The following ALLC variants were observed in gnomAD, a reference collection of about 807,000 sequenced individuals.
The protein encoded by ALLC is allantoicase, also known as probable inactive allantoicase.
Under a neutral mutation model 45.0 loss-of-function variants are expected in ALLC, and 40 were observed. The ratio of observed to expected loss-of-function variants is 0.89; its 90% CI spans 0.69 to 1.16. ALLC has a LOEUF of 1.16. Among genes scored for constraint, ALLC ranks in the 50% most tolerant of loss-of-function variants. The pLI, the probability that ALLC is intolerant of heterozygous loss-of-function variation, is 0.00. For missense variants in ALLC, 488 were observed against 493.1 expected (o/e 0.99, Z 0.10); for synonymous variants, 176 against 178.1 (o/e 0.99, Z 0.09).
chr2:3,656,264 CAGGACCAAGGCAGGAGGGTTGA>C (rs550673845), upstream of ALLC, among the ~76,000 whole-genome samples: 175 of 152,364 alleles, frequency 1.1e-3, no homozygotes, highest in African/African-American at 4.0e-3. Flanking sequence ...CATGTCTTGG[CAGGACCAAGGCAGGAGGGTTGA>C]AGCCCCTACG....
intron 3 of ALLC, among the ~76,000 whole-genome samples, chr2:3,677,081 C>T (rs943164912): frequency 2.0e-5 from 3 of 152,210 alleles, no homozygotes; most frequent in African/African-American, 7.2e-5. Context: ...AGCCACCGCA[C>T]CTGACTAGTT....
intron 11 of ALLC, among the ~76,000 whole-genome samples, chr2:3,702,029 T>TAAAGCTCCC (rs1199896739): frequency 6.6e-6 from 1 of 152,156 alleles, no homozygotes; most frequent in Non-Finnish European, 1.5e-5. Context: ...GCTGCTCCCA[T>TAAAGCTCCC]GTAAAGATAG....
chr2:3,679,707 A>C (rs10203738), intron 4 of ALLC, among the ~76,000 whole-genome samples, 162 bp from the exon 5 acceptor site: 7,933 of 152,116 alleles, frequency 0.052, 258 homozygotes, highest in East Asian at 0.11. Context: ...GTTATGAGAG[A>C]TCCTACAGTC....
At chr2:3,674,185 T>C (rs1666964485) in intron 3 of ALLC, 60 bp downstream of exon 3, 1 of 1,264,990 alleles carries the variant, frequency 7.9e-7, no homozygotes, top group Admixed American at 2.1e-5. Context: ...TATGCCGCCT[T>C]GTTATTAAAA....
the ALLC span, among the ~76,000 whole-genome samples, chr2:3,647,309 T>TCA: frequency 1.3e-5 from 2 of 151,310 alleles, no homozygotes; most frequent in Non-Finnish European, 2.9e-5. Flanking sequence ...ATGCACACAC[T>TCA]CACACACACA....
intron 9 of ALLC, 51 bp from the exon 10 acceptor site, chr2:3,697,297 T>G: frequency 6.8e-7 from 1 of 1,461,236 alleles, no homozygotes; most frequent in Non-Finnish European, 9.6e-7. Context: ...GGGACTGGTT[T>G]CTTGAATGAC....
At chr2:3,657,204 G>A (rs34629504), upstream of ALLC, among the ~76,000 whole-genome samples, 3 of 150,858 alleles carry the variant, frequency 2.0e-5, no homozygotes, top group South Asian at 2.1e-4. Context: ...TCCTAACTAC[G>A]GCTGGGTGGC....
At position 3,700,790 on chromosome 2, in the gene ALLC, G is replaced by A. The variant is rs145996842; in HGVS notation, c.851-722G>A. On this transcript the variant is annotated intron_variant, in intron 10 of 11. Coordinates refer to ENST00000252505, the MANE Select transcript of ALLC (RefSeq NM_018436.4). ...ATGTTCGCCCACCCTGGAGACTACC[G>A]TTTTAAGAGATGGGCCACAAAGGGG... Among the ~76,000 whole-genome samples, 748 of 152,238 alleles carry A rather than the reference G, an allele frequency of 4.9e-3. 6 individuals carry two copies. The highest frequency in any genetic ancestry group is 0.017 in the African/African-American group (720 of 41,532).
In ALLC at chr2:3,701,606, C is replaced by G. The variant is rs747967312; in HGVS notation, c.945C>G (p.His315Gln). ...VIRQKWILPA[H>Q]KWKPLLPVTK... ...GGCAAAAGTGGATTCTCCCGGCCCA[C>G]AAGTGGAAACCACTGCTTCCAGTGA... Residue 315 changes from histidine (H) to glutamine (Q), a missense_variant, in exon 11 of 12, where the codon CAC becomes CAG. By Grantham distance (24) the His-to-Gln change is conservative (BLOSUM62 0). Coordinates refer to ENST00000252505, the MANE Select transcript of ALLC (RefSeq NM_018436.4). The G allele has an allele frequency of 6.2e-7, 1 of 1,611,550 alleles. No homozygotes were observed. Among genetic ancestry groups the G allele is most frequent in the East Asian group, 2.2e-5 (1 of 44,840 alleles).
At position 3,695,792 on chromosome 2, in the gene ALLC, C is replaced by T; in HGVS notation, c.587C>T (p.Ala196Val). ...ACTGCAACTGACCCCAAAGAACCTG[C>T]AGACCTAGTGGCCATCGCTTTTGGG... ...DWTATDPKEP[A>V]DLVAIAFGGV... is the part of the protein sequence containing the mutation. Residue 196 changes from alanine (A) to valine (V), a missense_variant, in exon 8 of 12, where the codon GCA becomes GTA. Physicochemically the swap from Ala to Val is moderately conservative, Grantham distance 64. Coordinates refer to ENST00000252505, the MANE Select transcript of ALLC (RefSeq NM_018436.4). 1 of 1,614,002 alleles carries T rather than the reference C, an allele frequency of 6.2e-7. No individual in the cohort carries two copies. Among genetic ancestry groups the T allele is most frequent in the Non-Finnish European group, 8.5e-7 (1 of 1,179,878 alleles).
At chr2:3,658,192 C>T (rs983415848), upstream of ALLC, 6 of 152,296 alleles carry the variant, frequency 3.9e-5, no homozygotes, top group Admixed American at 3.3e-4. Context: ...TACCTCAGGC[C>T]CCTATACATT....
At chr2:3,647,051 C>T in the ALLC span, among the ~76,000 whole-genome samples, 2 of 152,232 alleles carry the variant, frequency 1.3e-5, no homozygotes, top group African/African-American at 4.8e-5. Flanking sequence ...CAGAGCCACT[C>T]CCTCAGCCCC....
Position 3,701,532 on chromosome 2 carries a change from A to G in ALLC, c.871A>G (p.Lys291Glu), listed in dbSNP as rs1667834240. 1.1e-5 allele frequency: 18 copies of G among 1,597,240 alleles called. No individual in the cohort carries two copies. Among genetic ancestry groups the G allele is most frequent in the Non-Finnish European group, 1.5e-5 (18 of 1,172,184 alleles). Reference sequence around the variant, plus strand: ...AACAGGCAATGCTCCTGACAGCTGTAAAGTGGATGGGTGCATCCTGACAAC... The same window carrying G: ...AACAGGCAATGCTCCTGACAGCTGTGAAGTGGATGGGTGCATCCTGACAAC... The part of the protein sequence containing the change: ...YFEGNAPDSC[K>E]VDGCILTTQE... The change falls in exon 11 of 12, where the codon AAA becomes GAA. Residue 291 changes from lysine (K) to glutamate (E), a missense_variant. Transcript: ENST00000252505.
At chr2:3,652,037 A>G in the ALLC span, among the ~76,000 whole-genome samples, 1 of 152,330 alleles carries the variant, frequency 6.6e-6, no homozygotes, top group African/African-American at 2.4e-5. Flanking sequence ...GCAAGCAGGA[A>G]AATCGCAGTC....
chr2:3,664,193 C>A (rs1666639968), intron 1 of ALLC, among the ~76,000 whole-genome samples: 1 of 152,170 alleles, frequency 6.6e-6, no homozygotes, highest in Non-Finnish European at 1.5e-5. Context: ...GAATTTTATA[C>A]CCCTGCCACC....
the ALLC span, among the ~76,000 whole-genome samples, chr2:3,651,679 T>A: frequency 0.021 from 3,151 of 152,016 alleles, 124 homozygotes; most frequent in African/African-American, 0.073. Flanking sequence ...AGACGAACTC[T>A]GGATGGAGGC....
rs986282317 is a variant in ALLC, at chr2:3,679,848, C to T, written c.173-21C>T. 10 of 1,613,494 alleles carry T rather than the reference C, an allele frequency of 6.2e-6. No homozygotes were observed. The South Asian group carries it at 7.7e-5, about 12-fold the overall frequency. ...CTGTGTTGGCCCTAACGAGACTGCT[C>T]TTGTCCTCTGTGTTGCGCAGGTCAC... On this transcript the variant is annotated intron_variant, in intron 4 of 11. Transcript: ENST00000252505.
chr2:3,653,481 G>A (rs531439462), upstream of ALLC, among the ~76,000 whole-genome samples: 397 of 152,322 alleles, frequency 2.6e-3, 4 homozygotes, highest in African/African-American at 9.3e-3. The surrounding 1 kb of genome is among the most constrained non-coding windows in gnomAD (Gnocchi z 4.1). Context: ...GTGGACCTGC[G>A]TCCTGCCAGC....
At chr2:3,677,322 G>A (rs545537003) in intron 3 of ALLC, among the ~76,000 whole-genome samples, 1 of 152,286 alleles carries the variant, frequency 6.6e-6, no homozygotes, top group South Asian at 2.1e-4. Context: ...GAGGTCTGGG[G>A]TTTAAGTGGG....
Sources: gnomAD v4.1 joint callset for allele counts (sites outside exome capture counted in the v4.1 genomes callset) on GRCh38, gnomAD v4.1.1 for gene constraint, Gnocchi (gnomAD v3.1) non-coding constraint, MANE v1.5 for transcripts, NCBI Gene and HGNC (gene_info 2026-07-23, HGNC 2026-07-21) for gene names.